Variants in UNC5C observed in about 807,000 individuals in gnomAD.
The protein encoded by UNC5C is unc-5 netrin receptor C.
In UNC5C, 47 loss-of-function variants were observed where a neutral mutation model predicts 99.8. The ratio of observed to expected loss-of-function variants is 0.47; its 90% CI spans 0.37 to 0.60. The LOEUF is 0.60. Among genes scored for constraint, UNC5C ranks in the 20% least tolerant of loss-of-function variants. The pLI is 0.00. For missense variants in UNC5C, 1,062 were observed against 1,165.9 expected (o/e 0.91, Z 1.30); for synonymous variants, 487 against 452.2 (o/e 1.08, Z -0.98).
chr4:95,342,408 G>A (rs1743613251), intron 1 of UNC5C, among the ~76,000 whole-genome samples: 1 of 151,984 alleles, frequency 6.6e-6, no homozygotes, highest in Admixed American at 6.6e-5. Flanking sequence ...AGCCGCTTTG[G>A]GCCAGAAGCA....
In UNC5C at chr4:95,536,051, T is replaced by C. The variant is rs1189680652; in HGVS notation, c.124+12683A>G. Among the ~76,000 whole-genome samples, 6 of 127,174 alleles carry C rather than the reference T, an allele frequency of 4.7e-5. No homozygotes were observed. The South Asian group carries it at 8.0e-4, about 17-fold the overall frequency. 83.4% of individuals were successfully genotyped at this position (127,174 alleles called of 152,430 possible). On this transcript the variant is annotated intron_variant, in intron 1 of 15. Coordinates refer to ENST00000453304, the MANE Select transcript of UNC5C (RefSeq NM_003728.4). ...TACTCTAATGTGTTGGCAGTCCATA[T>C]ACATACATACATATATATATATATA... is the stretch of plus-strand genomic sequence containing the variant.
intron 1 of UNC5C, among the ~76,000 whole-genome samples, chr4:95,381,618 T>C (rs1027288570): frequency 6.6e-6 from 1 of 152,198 alleles, no homozygotes; most frequent in Non-Finnish European, 1.5e-5. Flanking sequence ...ACTCAGATAT[T>C]AGAATGTCAC....
intron 1 of UNC5C, among the ~76,000 whole-genome samples, chr4:95,396,670 T>C (rs1745520001): frequency 6.6e-6 from 1 of 152,054 alleles, no homozygotes; most frequent in Non-Finnish European, 1.5e-5. Context: ...TTTCACCCAA[T>C]CGAATGGTGC....
intron 2 of UNC5C, among the ~76,000 whole-genome samples, chr4:95,329,464 T>G (rs1200746162): frequency 9.2e-5 from 14 of 152,202 alleles, no homozygotes; most frequent in Non-Finnish European, 2.9e-5. Flanking sequence ...ATATTGATGG[T>G]ATTTTCAAAT....
At chr4:95,498,870 C>G (rs1443894541) in intron 1 of UNC5C, among the ~76,000 whole-genome samples, 1 of 152,018 alleles carries the variant, frequency 6.6e-6, no homozygotes, top group Non-Finnish European at 1.5e-5. Flanking sequence ...ACTACTGATA[C>G]TTTGCTATCT....
At chr4:95,339,428 C>T (rs940844132) in intron 1 of UNC5C, among the ~76,000 whole-genome samples, 9 of 151,800 alleles carry the variant, frequency 5.9e-5, no homozygotes, top group Admixed American at 5.9e-4. Flanking sequence ...GAGATCAGTA[C>T]CTTCAATTCA....
intron 1 of UNC5C, among the ~76,000 whole-genome samples, chr4:95,345,713 G>T (rs943880071): frequency 1.3e-5 from 2 of 151,894 alleles, no homozygotes; most frequent in African/African-American, 4.8e-5. Flanking sequence ...CTTGGAAACT[G>T]TACAAACACA....
intron 11 of UNC5C, among the ~76,000 whole-genome samples, chr4:95,205,043 A>G (rs138586080): frequency 9.9e-4 from 151 of 152,294 alleles, no homozygotes; most frequent in African/African-American, 3.3e-3. Flanking sequence ...CTCCAGGACA[A>G]AGGAAAGCCT....
chr4:95,275,025 C>CAAACA (rs56173593), intron 4 of UNC5C, among the ~76,000 whole-genome samples: 49 of 150,278 alleles, frequency 3.3e-4, no homozygotes, highest in Middle Eastern at 3.4e-3. Flanking sequence ...GACTCCGTGT[C>CAAACA]AAACAAAACA....
At chr4:95,236,588 A>T (rs1705565346) in intron 7 of UNC5C, among the ~76,000 whole-genome samples, 4 of 138,566 alleles carry the variant, frequency 2.9e-5, no homozygotes, top group South Asian at 2.6e-4. Context: ...ATAATAATAA[A>T]AAATAAATAA....
Position 95,162,898 on chromosome 4 carries a change from C to T in UNC5C, c.*6336G>A, listed in dbSNP as rs1735729480. 1 of 152,188 alleles carries T rather than the reference C, an allele frequency of 6.6e-6. No individual in the cohort carries two copies. The highest frequency in any genetic ancestry group is 1.5e-5 in the Non-Finnish European group (1 of 68,048). The allele number at this position is 152,188 out of a possible 1,614,324, so 9.4% of individuals were successfully genotyped here. ...CCGACCTTTCTGCAGTTGAACTGTT[C>T]CAAAGGGGACAGTAGGTGGATGACA... is the stretch of plus-strand genomic sequence containing the variant. On this transcript the variant is annotated 3_prime_UTR_variant, in exon 16 of 16. Transcript: ENST00000453304.
At chr4:95,356,719 A>G (rs1207651144) in intron 1 of UNC5C, among the ~76,000 whole-genome samples, 3 of 152,182 alleles carry the variant, frequency 2.0e-5, no homozygotes, top group Non-Finnish European at 4.4e-5. Flanking sequence ...ACAAGGCAAG[A>G]GAAAGAGGTC....
intron 2 of UNC5C, among the ~76,000 whole-genome samples, chr4:95,308,093 C>T (rs1742125259): frequency 6.6e-6 from 1 of 152,150 alleles, no homozygotes. Context: ...TTCTATTCAA[C>T]ATAGTACTGT....
At chr4:95,207,210 G>C (rs181839270) in intron 10 of UNC5C, among the ~76,000 whole-genome samples, 1 of 152,150 alleles carries the variant, frequency 6.6e-6, no homozygotes, top group East Asian at 1.9e-4. Context: ...GTGGTTTCAG[G>C]ACCTGACTTG....
At chr4:95,466,116 G>A (rs992675737) in intron 1 of UNC5C, among the ~76,000 whole-genome samples, 3 of 152,174 alleles carry the variant, frequency 2.0e-5, no homozygotes, top group African/African-American at 7.2e-5. Flanking sequence ...AGATCTCCAA[G>A]TAAGTATGAC....
intron 1 of UNC5C, among the ~76,000 whole-genome samples, chr4:95,448,230 G>GAGAGAGAGAGAGAGAGAC (rs1747172673): frequency 9.5e-4 from 118 of 124,720 alleles, no homozygotes; most frequent in African/African-American, 3.6e-3. Flanking sequence ...GTGTGTGTGA[G>GAGAGAGAGAGAGAGAGAC]AGAGAGAGAG....
At chr4:95,320,018 C>G (rs139855403) in intron 2 of UNC5C, among the ~76,000 whole-genome samples, 2 of 152,286 alleles carry the variant, frequency 1.3e-5, no homozygotes, top group Non-Finnish European at 2.9e-5. Context: ...AAGCTATGCT[C>G]TTTTGGAAGC....
chr4:95,218,738 G>A (rs1464042868), intron 9 of UNC5C, among the ~76,000 whole-genome samples: 2 of 152,182 alleles, frequency 1.3e-5, no homozygotes, highest in Non-Finnish European at 2.9e-5. Context: ...GCAGAAAGTT[G>A]TGAGTATAGA....
intron 2 of UNC5C, among the ~76,000 whole-genome samples, chr4:95,319,659 G>A (rs1419727635): frequency 1.3e-5 from 2 of 152,124 alleles, no homozygotes; most frequent in African/African-American, 4.8e-5. Flanking sequence ...GAAGACTCAG[G>A]ACTGATGGTA....
Sources: gnomAD v4.1 joint callset for allele counts (sites outside exome capture counted in the v4.1 genomes callset) on GRCh38, gnomAD v4.1.1 for gene constraint, MANE v1.5 for transcripts, NCBI Gene and HGNC (gene_info 2026-07-23, HGNC 2026-07-21) for gene names.